The following NAT9 variants were observed in gnomAD, a reference collection of about 807,000 sequenced individuals.
The protein encoded by NAT9 is alpha/beta-tubulin-N-acetyltransferase 9.
A neutral mutation model predicts 24.0 loss-of-function variants in NAT9; 18 were observed. The ratio of observed to expected loss-of-function variants is 0.75; its 90% CI spans 0.52 to 1.11. The LOEUF is 1.11. Ranked by LOEUF, NAT9 falls within the 50% of genes most tolerant of loss-of-function variation. The probability of loss-of-function intolerance (pLI) is 0.00; values close to 1 mark genes in which losing one functional copy is unlikely to be tolerated. For synonymous variants in NAT9, 104 were observed against 102.3 expected (o/e 1.02, Z -0.10); for missense variants, 254 against 258.6 (o/e 0.98, Z 0.12).
At position 74,771,883 on chromosome 17, in the gene NAT9, C is replaced by T. The variant is rs758628270; in HGVS notation, c.490-25G>A. 67 of 1,614,098 alleles carry T rather than the reference C, an allele frequency of 4.2e-5. No individual in the cohort carries two copies. In the South Asian group the frequency reaches 7.1e-4, roughly 17 times the overall value. On this transcript the variant is annotated intron_variant, in intron 6 of 6. Transcript: ENST00000357814. ...CCTACGTGAGCCAGAGAGAACAAAG[C>T]CTGCTAAGTTACAGTATTACCACCA...
In NAT9 at chr17:74,771,699, A is replaced by C. The variant is rs749333532; in HGVS notation, c.*25T>G. On this transcript the variant is annotated 3_prime_UTR_variant, in exon 7 of 7. Coordinates refer to ENST00000357814, the MANE Select transcript of NAT9 (RefSeq NM_015654.5). ...TGGGCCCAACACCCTGCTCACACAG[A>C]GTGGCTGCCCACAAGGCCCAGCCAT... 7 of 1,612,770 alleles carry C rather than the reference A, an allele frequency of 4.3e-6. No homozygotes were observed. Among genetic ancestry groups the C allele is most frequent in the East Asian group, 4.5e-5 (2 of 44,886 alleles).
At chr17:74,773,550 A>G (rs1417903986) in intron 3 of NAT9, 26 bp downstream of exon 3, 28 of 1,580,630 alleles carry the variant, frequency 1.8e-5, no homozygotes, top group Non-Finnish European at 2.3e-5. Context: ...TACCAGGGCT[A>G]GGGGAAGTGG....
chr17:74,773,879 G>A, intron 2 of NAT9, 191 bp from the exon 3 acceptor site: 1 of 560,564 alleles, frequency 1.8e-6, no homozygotes. Flanking sequence ...AGAACAGCAG[G>A]ACGAGTCAGT....
In NAT9 at chr17:74,771,162, C is replaced by A. The variant is rs2035167472; in HGVS notation, c.*562G>T. On this transcript the variant is annotated 3_prime_UTR_variant, in exon 7 of 7. Transcript: ENST00000357814. Reference sequence around the variant, plus strand: ...CGGACACTAGGTTGAGGGGCCAGGCCACACTCACTCTGGACCACCTGTTGT... The same window carrying A: ...CGGACACTAGGTTGAGGGGCCAGGCAACACTCACTCTGGACCACCTGTTGT... The A allele has an allele frequency of 6.0e-6, 1 of 165,538 alleles. No individual in the cohort carries two copies. The highest frequency in any genetic ancestry group is 5.5e-5 in the Admixed American group (1 of 18,146). The allele number at this position is 165,538 out of a possible 1,614,324, so 10.3% of individuals were successfully genotyped here. A position where few individuals can be genotyped will look rare whatever the true frequency, so the allele number is the denominator to read the frequency against.
In NAT9 at chr17:74,772,026, A is replaced by G. The variant is rs1460917428; in HGVS notation, c.423T>C (p.Phe141=). 6 of 1,614,178 alleles carry G rather than the reference A, an allele frequency of 3.7e-6. No individual in the cohort carries two copies. ...YGVTTLGLTK[F]EAKIGQGNEP... is the part of the protein sequence containing the mutation. ...CATTTCCTTGCCCAATTTTAGCCTCAAACTTGGTCAGACCTAGCGTGGTCA... is the reference window on the plus strand; with the variant it reads ...CATTTCCTTGCCCAATTTTAGCCTCGAACTTGGTCAGACCTAGCGTGGTCA... Residue 141 remains phenylalanine, a synonymous_variant, in exon 6 of 7, where the codon TTT becomes TTC. Transcript: ENST00000357814.
At position 74,771,888 on chromosome 17, in the gene NAT9, T is replaced by A. The variant is rs373828100; in HGVS notation, c.490-30A>T. 2.8e-4 allele frequency: 454 copies of A among 1,614,218 alleles called. 4 individuals are homozygous for A. The highest frequency in any genetic ancestry group is 2.0e-3 in the Middle Eastern group (12 of 6,062). On this transcript the variant is annotated intron_variant, in intron 6 of 6. Coordinates refer to ENST00000357814, the MANE Select transcript of NAT9 (RefSeq NM_015654.5). ...GTGAGCCAGAGAGAACAAAGCCTGC[T>A]AAGTTACAGTATTACCACCACCAGG...
Position 74,772,936 on chromosome 17 carries a change from TAGATCTGTG to T in NAT9, c.285_293del (p.Thr96_Leu98del). On this transcript the variant is annotated inframe_deletion, in exon 4 of 7. Transcript: ENST00000357814. ...CGATCTCCCCCAAGGTGAGGTCTTCTAGATCTGTGAGGAAGAGGTTCACATCTCCCACCA... is the reference window on the plus strand; with the variant it reads ...CGATCTCCCCCAAGGTGAGGTCTTCTAGGAAGAGGTTCACATCTCCCACCA... 6.2e-7 allele frequency: 1 copy of T among 1,614,176 alleles called. No homozygotes were observed. Among genetic ancestry groups the T allele is most frequent in the South Asian group, 1.1e-5 (1 of 91,084 alleles).
At position 74,772,202 on chromosome 17, in the gene NAT9, G is replaced by C; in HGVS notation, c.394+16C>G. 6.2e-7 allele frequency: 1 copy of C among 1,614,210 alleles called. No homozygotes were observed. Among genetic ancestry groups the C allele is most frequent in the Non-Finnish European group, 8.5e-7 (1 of 1,180,042 alleles). The stretch of plus-strand genomic sequence containing the variant: ...GGCCTGCCCACTTCCCGCATTGTCT[G>C]CTCACACTTTCTTACCGTAAGACAG... On this transcript the variant is annotated intron_variant, in intron 5 of 6. Transcript: ENST00000357814.
chr17:74,774,203 G>A (rs2035634873), intron 2 of NAT9: 1 of 154,150 alleles, frequency 6.5e-6, no homozygotes, highest in Non-Finnish European at 1.4e-5. Context: ...TCAAGGACAA[G>A]CTAACATTAA....
At chr17:74,773,096 T>C in intron 3 of NAT9, 57 bp from the exon 4 acceptor site, 1 of 1,588,242 alleles carries the variant, frequency 6.3e-7, no homozygotes, top group Non-Finnish European at 8.6e-7. Context: ...GAAGAGAGGA[T>C]GGTACTCCTA....
intron 5 of NAT9, 71 bp from the exon 6 acceptor site, chr17:74,772,125 G>A (rs903032038): frequency 1.2e-6 from 2 of 1,613,364 alleles, no homozygotes; most frequent in African/African-American, 2.7e-5. Flanking sequence ...AAGCTGCAGA[G>A]GAGGAACCTT....
At chr17:74,772,680 G>A in intron 4 of NAT9, 1 of 1,153,596 alleles carries the variant, frequency 8.7e-7, no homozygotes, top group South Asian at 1.7e-5. Flanking sequence ...CAAGGGTTAA[G>A]TTCACGCCTA....
At chr17:74,774,614 G>A (rs554289169) in intron 2 of NAT9, among the ~76,000 whole-genome samples, 24 of 147,518 alleles carry the variant, frequency 1.6e-4, no homozygotes, top group Admixed American at 6.9e-4. Flanking sequence ...GCAGTGGCGC[G>A]ATCTCGGCTC....
In NAT9 at chr17:74,771,839, A is replaced by G; in HGVS notation, c.509T>C (p.Phe170Ser). 2 of 1,614,252 alleles carry G rather than the reference A, an allele frequency of 1.2e-6. No individual in the cohort carries two copies. Among genetic ancestry groups the G allele is most frequent in the Non-Finnish European group, 1.7e-6 (2 of 1,180,038 alleles). ...HFEQVATSSV[F>S]QEVTLRLTVS... ...TGTCAGTCTGAGGGTCACCTCCTGA[A>G]AAACACTGCTCGTAGCCACCTACGT... Residue 170 changes from phenylalanine (F) to serine (S), a missense_variant, in exon 7 of 7, where the codon TTT becomes TCT. By Grantham distance (155) the Phe-to-Ser change is radical. Coordinates refer to ENST00000357814, the MANE Select transcript of NAT9 (RefSeq NM_015654.5).
Position 74,771,816 on chromosome 17 carries a change from T to C in NAT9, c.532A>G (p.Thr178Ala), listed in dbSNP as rs374072250. Residue 178 changes from threonine to alanine, a missense_variant, in exon 7 of 7, where the codon ACA (threonine) becomes GCA (alanine). Transcript: ENST00000357814. ...CACTGATGCTCGGACTCACTCACTG[T>C]CAGTCTGAGGGTCACCTCCTGAAAA... Reference protein sequence around the residue: ...SVFQEVTLRLTVSESEHQWLL... With the variant: ...SVFQEVTLRLAVSESEHQWLL... The C allele has an allele frequency of 5.6e-6, 9 of 1,614,092 alleles. No individual in the cohort carries two copies. Among genetic ancestry groups the C allele is most frequent in the African/African-American group, 1.3e-5 (1 of 74,938 alleles).
At chr17:74,774,649 C>T (rs1490670939) in intron 2 of NAT9, among the ~76,000 whole-genome samples, 1 of 148,766 alleles carries the variant, frequency 6.7e-6, no homozygotes, top group Non-Finnish European at 1.5e-5. Context: ...CTCCCGGGTT[C>T]ACACATTCTC....
In NAT9 at chr17:74,772,247, G is replaced by A. The variant is rs764354267; in HGVS notation, c.365C>T (p.Thr122Ile). The A allele has an allele frequency of 3.7e-6, 6 of 1,614,080 alleles. No individual in the cohort carries two copies. The highest frequency in any genetic ancestry group is 4.2e-6 in the Non-Finnish European group (5 of 1,180,048). ...AGACAGCATCGCGAGAACGGCCTCA[G>A]TGCCAAGGCCCTTACCCCTGCAGCT... ...EPSCRGKGLG[T>I]EAVLAMLSYG... Residue 122 changes from threonine (T) to isoleucine (I), a missense_variant, in exon 5 of 7, where the codon ACT becomes ATT. Physicochemically the swap from Thr to Ile is moderately conservative, Grantham distance 89. Coordinates refer to ENST00000357814, the MANE Select transcript of NAT9 (RefSeq NM_015654.5).
intron 5 of NAT9, 58 bp from the exon 6 acceptor site, chr17:74,772,112 C>G: frequency 6.2e-7 from 1 of 1,613,828 alleles, no homozygotes. Flanking sequence ...ACCCTCCTGT[C>G]CCAAGCTGCA....
chr17:74,772,736 GAGGGGGCTAGGTGGGCAGGCTGCCCAGCC>G, intron 4 of NAT9, 131 bp downstream of exon 4: 1 of 1,207,470 alleles, frequency 8.3e-7, no homozygotes, highest in South Asian at 1.5e-5. Flanking sequence ...CCACCAGGCT[GAGGGGGCTAGGTGGGCAGGCTGCCCAGCC>G]AGGCCCTGGA....
Sources: allele counts gnomAD v4.1 joint callset (sites outside exome capture counted in the v4.1 genomes callset), GRCh38; gene constraint gnomAD v4.1.1; transcripts MANE v1.5; gene names NCBI Gene and HGNC (gene_info 2026-07-23, HGNC 2026-07-21).